The following HECW2 variants were observed in gnomAD, a reference collection of about 807,000 sequenced individuals.
The protein encoded by HECW2 is E3 ubiquitin-protein ligase HECW2.
In HECW2, 61 loss-of-function variants were observed where a neutral mutation model predicts 175.2. The observed-to-expected ratio is 0.35, with a 90% confidence interval of 0.28 to 0.43. The LOEUF is 0.43. HECW2 is among the 20% of genes least tolerant of loss of function. The probability of loss-of-function intolerance (pLI) is 1.00; values close to 1 mark genes in which losing one functional copy is unlikely to be tolerated. For synonymous variants in HECW2, 671 were observed against 731.0 expected (o/e 0.92, Z 1.32); for missense variants, 1,524 against 2,000.5 (o/e 0.76, Z 4.54).
chr2:196,298,995 C>T (rs913228475), intron 13 of HECW2, among the ~76,000 whole-genome samples: 2 of 152,006 alleles, frequency 1.3e-5, no homozygotes, highest in African/African-American at 4.8e-5. Context: ...CAAGTAATGC[C>T]CTTTAGAAAA....
At chr2:196,556,455 C>T (rs1030808803) in intron 1 of HECW2, among the ~76,000 whole-genome samples, 29 of 152,154 alleles carry the variant, frequency 1.9e-4, no homozygotes, top group Non-Finnish European at 2.2e-4. Flanking sequence ...CATTTTCTCC[C>T]GTTCCCGACC....
intron 2 of HECW2, among the ~76,000 whole-genome samples, chr2:196,400,475 A>T (rs1463844827): frequency 6.6e-6 from 1 of 152,246 alleles, no homozygotes; most frequent in Non-Finnish European, 1.5e-5. Context: ...GAAACAGGAT[A>T]GCCTAGAAAT....
chr2:196,537,702 AG>A, intron 1 of HECW2, among the ~76,000 whole-genome samples: 1 of 152,316 alleles, frequency 6.6e-6, no homozygotes, highest in East Asian at 1.9e-4. Context: ...TTTATGGTTA[AG>A]GGAACAAATT....
At chr2:196,371,202 A>C (rs139921544) in intron 2 of HECW2, among the ~76,000 whole-genome samples, 1 of 152,316 alleles carries the variant, frequency 6.6e-6, no homozygotes, top group African/African-American at 2.4e-5. Context: ...AATGGTGTAG[A>C]GTCTTAAAAT....
chr2:196,547,868 A>G (rs1689476608), intron 1 of HECW2, among the ~76,000 whole-genome samples: 1 of 152,198 alleles, frequency 6.6e-6, no homozygotes, highest in South Asian at 2.1e-4. Flanking sequence ...ACTCATCTCT[A>G]TACCAGCAAC....
chr2:196,306,980 T>C lies in HECW2; in HGVS notation c.2689+150A>G, dbSNP rs906313220. Reference sequence around the variant, plus strand: ...ATTAAACATTGAGGATTAGAAGAGGTTTCTGGTGAATTCTGTTTTTTGAGT... The same window carrying C: ...ATTAAACATTGAGGATTAGAAGAGGCTTCTGGTGAATTCTGTTTTTTGAGT... On this transcript the variant is annotated intron_variant, in intron 12 of 28. Transcript: ENST00000644978. The C allele has an allele frequency of 4.1e-5, 24 of 579,424 alleles. No individual in the cohort carries two copies. In the Middle Eastern group the frequency reaches 8.4e-4, roughly 20 times the overall value. 35.9% of individuals were successfully genotyped at this position (579,424 alleles called of 1,614,324 possible).
At chr2:196,515,367 C>T (rs1348369888) in intron 1 of HECW2, among the ~76,000 whole-genome samples, 3 of 152,202 alleles carry the variant, frequency 2.0e-5, no homozygotes, top group Admixed American at 6.5e-5. Flanking sequence ...GCCCAGCAGG[C>T]GCAAACAAAA....
chr2:196,576,419 T>A (rs115802735), intron 1 of HECW2, among the ~76,000 whole-genome samples: 1,916 of 152,288 alleles, frequency 0.013, 40 homozygotes, highest in African/African-American at 0.044. Context: ...TGTGACAACA[T>A]GAATGAACCT....
intron 1 of HECW2, among the ~76,000 whole-genome samples, chr2:196,584,282 G>A (rs905139425): frequency 6.6e-6 from 1 of 152,142 alleles, no homozygotes; most frequent in Admixed American, 6.5e-5. Flanking sequence ...GGGACAGGAA[G>A]AAGACCTGTC....
chr2:196,299,928 CA>C (rs68024134), intron 13 of HECW2, among the ~76,000 whole-genome samples: 7,406 of 144,698 alleles, frequency 0.051, 278 homozygotes, highest in African/African-American at 0.11. Context: ...AACTCTGTCT[CA>C]AAAAAAAAAA....
intron 1 of HECW2, among the ~76,000 whole-genome samples, chr2:196,511,632 T>C (rs1028202706): frequency 6.6e-6 from 1 of 152,160 alleles, no homozygotes; most frequent in Non-Finnish European, 1.5e-5. Context: ...CAGATGTTAT[T>C]AAAGAAACAA....
intron 1 of HECW2, among the ~76,000 whole-genome samples, chr2:196,447,311 C>T (rs961984337): frequency 1.1e-4 from 16 of 152,100 alleles, no homozygotes; most frequent in African/African-American, 3.1e-4. Context: ...TATCACACAA[C>T]GATGAACTGA....
intron 2 of HECW2, among the ~76,000 whole-genome samples, chr2:196,430,452 C>G (rs958341422): frequency 6.6e-6 from 1 of 151,776 alleles, no homozygotes; most frequent in African/African-American, 2.4e-5. Flanking sequence ...TCAATAGGAA[C>G]TGATCATGAG....
intron 1 of HECW2, among the ~76,000 whole-genome samples, chr2:196,542,243 G>A (rs141369857): frequency 1.6e-4 from 24 of 145,746 alleles, no homozygotes; most frequent in Admixed American, 3.4e-4. Flanking sequence ...CAGCCTGGGC[G>A]ACAGAGTGAG....
chr2:196,578,283 T>C (rs1690633453), intron 1 of HECW2, among the ~76,000 whole-genome samples: 1 of 152,144 alleles, frequency 6.6e-6, no homozygotes, highest in Non-Finnish European at 1.5e-5. Flanking sequence ...AGAATCAGTG[T>C]ACTTGAAGAT....
chr2:196,217,161 C>T (rs1687505045), intron 26 of HECW2, 68 bp from the exon 27 acceptor site: 3 of 1,054,320 alleles, frequency 2.8e-6, no homozygotes, highest in Non-Finnish European at 2.9e-6. Flanking sequence ...AGATACGTGA[C>T]ACGAAGAGTC....
intron 16 of HECW2, 58 bp from the exon 17 acceptor site, chr2:196,271,347 G>T: frequency 7.7e-7 from 1 of 1,301,218 alleles, no homozygotes; most frequent in Non-Finnish European, 1.1e-6. Context: ...TTAGTTTTAT[G>T]TATATAAATC....
intron 17 of HECW2, among the ~76,000 whole-genome samples, chr2:196,265,273 C>T (rs1689466741): frequency 6.6e-6 from 1 of 152,162 alleles, no homozygotes; most frequent in Non-Finnish European, 1.5e-5. Context: ...TCACTTGAGG[C>T]CAGGAGTTCA....
intron 19 of HECW2, among the ~76,000 whole-genome samples, chr2:196,248,597 G>GAGACAC (rs1491493226): frequency 1.4e-5 from 2 of 143,922 alleles, no homozygotes; most frequent in Non-Finnish European, 3.0e-5. Context: ...GAGACAGACA[G>GAGACAC]ACACACACAC....
Sources: gnomAD v4.1 joint callset for allele counts (sites outside exome capture counted in the v4.1 genomes callset) on GRCh38, gnomAD v4.1.1 for gene constraint, MANE v1.5 for transcripts, NCBI Gene and HGNC (gene_info 2026-07-23, HGNC 2026-07-21) for gene names.